TBL1X: variants seen among roughly 807,000 people sequenced by gnomAD.
The protein encoded by TBL1X is F-box-like/WD repeat-containing protein TBL1X.
In TBL1X, 10 loss-of-function variants were observed where a neutral mutation model predicts 50.7. The ratio of observed to expected loss-of-function variants is 0.20; its 90% CI spans 0.12 to 0.33. TBL1X has a LOEUF of 0.33. Ranked by LOEUF, TBL1X falls within the 10% of genes least tolerant of loss-of-function variation. TBL1X has a pLI of 1.00. For synonymous variants in TBL1X, 190 were observed against 214.7 expected, an observed-to-expected ratio of 0.88 and a Z score of 1.01; for missense variants, 340 against 504.4, an observed-to-expected ratio of 0.67 and a Z score of 3.12.
intron 1 of TBL1X, among the ~76,000 whole-genome samples, chrX:9,499,362 G>A (rs1487188320): frequency 8.9e-6 from 1 of 111,857 alleles, no homozygotes; most frequent in African/African-American, 3.3e-5. Context: ...TCATTACAGG[G>A]AGGGGAAAGA....
At position 9,573,633 on chromosome X, in the gene TBL1X, A is replaced by G. The variant is rs1240224716; in HGVS notation, c.-130-66640A>G. On this transcript the variant is annotated intron_variant, in intron 2 of 17. Coordinates refer to ENST00000645353, the MANE Select transcript of TBL1X (RefSeq NM_005647.4). ...CTGGCGTGACCTCATTTGCCCCACA[A>G]TACCTCACCGTGCCAGGGATGCATT... Among the ~76,000 whole-genome samples, 5 of 112,542 alleles carry G rather than the reference A, an allele frequency of 4.4e-5. No homozygotes were observed. The East Asian group carries it at 8.4e-4, about 19-fold the overall frequency.
chrX:9,579,055 T>C (rs1372640785), intron 2 of TBL1X, among the ~76,000 whole-genome samples: 4 of 111,954 alleles, frequency 3.6e-5, no homozygotes, highest in Admixed American at 9.4e-5. Context: ...AGGCAATGTA[T>C]TGTTTTTTCT....
chrX:9,688,194 T>G lies in TBL1X; in HGVS notation c.535T>G (p.Ser179Ala). The G allele has an allele frequency of 8.4e-7, 1 of 1,197,305 alleles. No individual in the cohort carries two copies. ...AGCAGCGACAGCAGCCACCACGACC[T>G]CAGCCGGCGTTTCCCACCAAAATCC... The part of the protein sequence containing the change: ...TAAATAATTT[S>A]AGVSHQNPSK... The change falls in exon 7 of 18, where the codon TCA (serine) becomes GCA (alanine). Residue 179 changes from serine to alanine, a missense_variant. Ser to Ala is a moderately conservative substitution (Grantham distance 99, BLOSUM62 1). Coordinates refer to ENST00000645353, the MANE Select transcript of TBL1X (RefSeq NM_005647.4).
intron 5 of TBL1X, among the ~76,000 whole-genome samples, chrX:9,671,814 CTGTT>C (rs1207632936): frequency 3.6e-5 from 4 of 112,290 alleles, no homozygotes; most frequent in Non-Finnish European, 7.5e-5. Context: ...TGCAAACAAA[CTGTT>C]TGAAAAGACT....
chrX:9,483,505 C>A (rs1240797060), intron 1 of TBL1X, among the ~76,000 whole-genome samples: 1 of 111,852 alleles, frequency 8.9e-6, no homozygotes. Context: ...CGTGTCTGTT[C>A]CCTGAAGAAC....
chrX:9,711,723 A>T lies in TBL1X; in HGVS notation c.1552A>T (p.Lys518Ter). ...TAGCGTAGCTTTCAGCCCTGATGGGAAGTACTTGGCCAGTGGATCCTTCGA... is the reference window on the plus strand; with the variant it reads ...TAGCGTAGCTTTCAGCCCTGATGGGTAGTACTTGGCCAGTGGATCCTTCGA... Reference protein sequence around the residue: ...VYSVAFSPDGKYLASGSFDKC... With the variant: ...VYSVAFSPDG Residue 518 changes from lysine (K) to a stop codon, truncating the protein, a stop_gained, in exon 16 of 18, where the codon AAG becomes TAG. Transcript: ENST00000645353. LOFTEE classifies it high-confidence loss of function. 1 of 1,208,728 alleles carries T rather than the reference A, an allele frequency of 8.3e-7. No homozygotes were observed. Among genetic ancestry groups the T allele is most frequent in the Non-Finnish European group, 1.1e-6 (1 of 893,623 alleles).
rs1045337352 is a variant in TBL1X, at chrX:9,718,883, G to A, written c.*2637G>A. On this transcript the variant is annotated 3_prime_UTR_variant, in exon 18 of 18. Transcript: ENST00000645353. Reference sequence around the variant, plus strand: ...AGCCTGCGGCCGCAAGCAAAACCAAGCGCGAGATGCAGCTAGCACCCTTCA... The same window carrying A: ...AGCCTGCGGCCGCAAGCAAAACCAAACGCGAGATGCAGCTAGCACCCTTCA... 9 of 111,810 alleles carry A rather than the reference G, an allele frequency of 8.0e-5. No individual in the cohort carries two copies. The highest frequency in any genetic ancestry group is 3.7e-4 in the South Asian group (1 of 2,675). The allele number at this position is 111,810 out of a possible 1,213,427, so 9.2% of individuals were successfully genotyped here. A position where few individuals can be genotyped will look rare whatever the true frequency, so the allele number is the denominator to read the frequency against.
chrX:9,489,079 G>C (rs1422288204), intron 1 of TBL1X, among the ~76,000 whole-genome samples: 1 of 111,261 alleles, frequency 9.0e-6, no homozygotes, highest in African/African-American at 3.3e-5. Context: ...CTTGTGTATT[G>C]AGGTCCTCTT....
intron 2 of TBL1X, among the ~76,000 whole-genome samples, chrX:9,514,194 A>G (rs2082070295): frequency 8.9e-6 from 1 of 111,782 alleles, no homozygotes; most frequent in Admixed American, 9.5e-5. Flanking sequence ...GAGTGTCAGT[A>G]GTGTTGAAGT....
At chrX:9,609,536 C>T (rs1349091691) in intron 2 of TBL1X, among the ~76,000 whole-genome samples, 1 of 111,151 alleles carries the variant, frequency 9.0e-6, no homozygotes. Flanking sequence ...GTATGCATCT[C>T]TTTCATGAAG....
intron 2 of TBL1X, among the ~76,000 whole-genome samples, chrX:9,590,379 A>T (rs1015563418): frequency 3.5e-5 from 3 of 84,845 alleles, no homozygotes; most frequent in African/African-American, 1.3e-4. Flanking sequence ...TTTTTAAAAA[A>T]GTCAGATGAA....
chrX:9,601,226 G>T (rs73631500), intron 2 of TBL1X, among the ~76,000 whole-genome samples: 3,565 of 111,238 alleles, frequency 0.032, 55 homozygotes, highest in Middle Eastern at 0.055. Flanking sequence ...AGTTGGGCCA[G>T]TGTAGACATC....
chrX:9,531,354 G>GGGGTGTGTGTGT (rs755352161), intron 2 of TBL1X, among the ~76,000 whole-genome samples: 15 of 75,217 alleles, frequency 2.0e-4, no homozygotes, highest in South Asian at 8.8e-4. Context: ...GAACCTGGAG[G>GGGGTGTGTGTGT]GTGTGTGTGT....
At chrX:9,613,985 C>CA (rs34481376) in intron 2 of TBL1X, among the ~76,000 whole-genome samples, 19,518 of 49,908 alleles carry the variant, frequency 0.39, 3,364 homozygotes, top group East Asian at 0.68. Context: ...GACTCCATCT[C>CA]AAAAAAAAAA....
chrX:9,553,488 C>T (rs761798935), intron 2 of TBL1X, among the ~76,000 whole-genome samples: 4 of 111,820 alleles, frequency 3.6e-5, no homozygotes, highest in Admixed American at 9.5e-5. Flanking sequence ...TTTGTGACAG[C>T]AGCAACAGGA....
chrX:9,469,704 C>G (rs967802039), intron 1 of TBL1X, among the ~76,000 whole-genome samples: 2 of 112,236 alleles, frequency 1.8e-5, no homozygotes, highest in Non-Finnish European at 3.8e-5. Flanking sequence ...CCATCATCAT[C>G]AGGAGAGAGA....
At chrX:9,634,012 T>G (rs1421255715) in intron 2 of TBL1X, among the ~76,000 whole-genome samples, 1 of 111,319 alleles carries the variant, frequency 9.0e-6, no homozygotes, top group African/African-American at 3.3e-5. Context: ...GACTAGACAT[T>G]TATTGTACAG....
intron 2 of TBL1X, among the ~76,000 whole-genome samples, chrX:9,633,324 A>T (rs1254191866): frequency 8.9e-6 from 1 of 112,044 alleles, no homozygotes; most frequent in Non-Finnish European, 1.9e-5. Context: ...GCACATATGA[A>T]AAAGAAGGGC....
Position 9,484,010 on chromosome X carries a change from G to GT in TBL1X, c.-200-17764dup, listed in dbSNP as rs751271967. Among the ~76,000 whole-genome samples, 41 of 111,915 alleles carry GT rather than the reference G, an allele frequency of 3.7e-4. No homozygotes were observed. In the East Asian group the frequency reaches 3.9e-3, roughly 11 times the overall value. On this transcript the variant is annotated intron_variant, in intron 1 of 17. Coordinates refer to ENST00000645353, the MANE Select transcript of TBL1X (RefSeq NM_005647.4). ...TGTATGAAGTGTGCAGTTTTAATCT[G>GT]TTTTTTCTTTTTTATTTCTTTGTTT...
Sources: gnomAD v4.1 joint callset for allele counts (sites outside exome capture counted in the v4.1 genomes callset) on GRCh38, gnomAD v4.1.1 for gene constraint, MANE v1.5 for transcripts, NCBI Gene and HGNC (gene_info 2026-07-23, HGNC 2026-07-21) for gene names.